PDE4A: variants seen among roughly 807,000 people sequenced by gnomAD.
PDE4A encodes phosphodiesterase 4A.
In PDE4A, 21 loss-of-function variants were observed where a neutral mutation model predicts 73.9. The ratio of observed to expected loss-of-function variants is 0.28; its 90% confidence interval spans 0.20 to 0.41. The LOEUF (loss-of-function observed/expected upper bound fraction) is 0.41. Among genes scored for constraint, PDE4A ranks in the 10% least tolerant of loss-of-function variants. The pLI, the probability that PDE4A is intolerant of heterozygous loss-of-function variation, is 1.00. For synonymous variants in PDE4A, 463 were observed against 505.4 expected, an observed-to-expected ratio of 0.92 and a Z score of 1.13; for missense variants, 958 against 1,211.4, an observed-to-expected ratio of 0.79 and a Z score of 3.10.
At chr19:10,430,977 C>G (rs1217447024) in intron 1 of PDE4A, 2 of 1,555,464 alleles carry the variant, frequency 1.3e-6, no homozygotes, top group Admixed American at 3.7e-5. Flanking sequence ...CCCGCGTTCG[C>G]CGCCCTCCTC....
intron 7 of PDE4A, among the ~76,000 whole-genome samples, chr19:10,456,523 C>T (rs1599445481): frequency 6.7e-6 from 1 of 149,426 alleles, no homozygotes; most frequent in East Asian, 2.0e-4. Context: ...GAGACTCCAT[C>T]TCAAAAAAAA....
At chr19:10,463,240 C>A (rs995398380) in intron 13 of PDE4A, among the ~76,000 whole-genome samples, 2 of 151,576 alleles carry the variant, frequency 1.3e-5, no homozygotes, top group African/African-American at 4.8e-5. Context: ...CAGGTGCCTA[C>A]CACCAGACCT....
At chr19:10,425,697 C>T (rs1030678635) in intron 1 of PDE4A, among the ~76,000 whole-genome samples, 1 of 151,998 alleles carries the variant, frequency 6.6e-6, no homozygotes, top group Admixed American at 6.6e-5. Context: ...TGAAAGAGTT[C>T]AAATCTGGCT....
In PDE4A at chr19:10,459,385, C is replaced by T. The variant is rs2043222609; in HGVS notation, c.1102-15C>T. On this transcript the variant is annotated splice_polypyrimidine_tract_variant and intron_variant, in intron 8 of 14. Coordinates refer to ENST00000380702, the MANE Select transcript of PDE4A (RefSeq NM_001111307.2). ...GCCTTACAGGCTTCTGACCTCTGGC[C>T]TCCGTCTCCACCAGGAACTGGAGAA... The T allele has an allele frequency of 6.2e-7, 1 of 1,614,238 alleles. No individual in the cohort carries two copies. The highest frequency in any genetic ancestry group is 8.5e-7 in the Non-Finnish European group (1 of 1,180,048).
chr19:10,453,177 G>A lies in PDE4A; in HGVS notation c.784-1652G>A. 1 of 1,477,232 alleles carries A rather than the reference G, an allele frequency of 6.8e-7. No individual in the cohort carries two copies. The highest frequency in any genetic ancestry group is 9.0e-7 in the Non-Finnish European group (1 of 1,110,214). 91.5% of individuals were successfully genotyped at this position (1,477,232 alleles called of 1,614,324 possible). A position where few individuals can be genotyped will look rare whatever the true frequency, so the allele number is the denominator to read the frequency against. On this transcript the variant is annotated intron_variant, in intron 6 of 14. Coordinates refer to ENST00000380702, the MANE Select transcript of PDE4A (RefSeq NM_001111307.2). This position sits in a 1 kb window ranked among gnomAD's most constrained non-coding sequence, Gnocchi z 4.6. ...CCCCCTTCCACTACCCACCTGCCCG[G>A]CACCCCCTCCCCAGTGGTTGTTAAC...
intron 1 of PDE4A, among the ~76,000 whole-genome samples, chr19:10,438,590 G>A (rs1459487813): frequency 6.6e-6 from 1 of 151,918 alleles, no homozygotes; most frequent in Non-Finnish European, 1.5e-5. Flanking sequence ...TTATTTTACT[G>A]AGCATAATGT....
rs768934897 is a variant in PDE4A, at chr19:10,464,000, C to T, written c.1926+25C>T. ...GGTACAGGCTCGGGGCATTGATGGA[C>T]GGGCACAGGGTGAGTCTCCCCAGCC... On this transcript the variant is annotated intron_variant, in intron 14 of 14. Coordinates refer to ENST00000380702, the MANE Select transcript of PDE4A (RefSeq NM_001111307.2). 1.9e-5 allele frequency: 31 copies of T among 1,613,392 alleles called. 1 individual carries two copies. Among genetic ancestry groups the T allele is most frequent in the East Asian group, 1.1e-4 (5 of 44,858 alleles).
At chr19:10,457,310 T>C (rs970032595) in intron 7 of PDE4A, among the ~76,000 whole-genome samples, 1 of 152,018 alleles carries the variant, frequency 6.6e-6, no homozygotes, top group African/African-American at 2.4e-5. Flanking sequence ...TATTAGGCCT[T>C]TTCATTGACT....
At chr19:10,417,105 G>T (rs2042595710), upstream of PDE4A, 1 of 1,459,438 alleles carries the variant, frequency 6.9e-7, no homozygotes, top group Non-Finnish European at 9.0e-7. Context: ...CAAGCTGTGA[G>T]GAGTTTGGTC....
chr19:10,432,741 G>GCCTGGGGTGCTGCTGAGGGT (rs1675836366), intron 1 of PDE4A, among the ~76,000 whole-genome samples: 1 of 152,144 alleles, frequency 6.6e-6, no homozygotes, highest in African/African-American at 2.4e-5. Context: ...TGCTGCTGAG[G>GCCTGGGGTGCTGCTGAGGGT]GCTTCTTGAA....
At chr19:10,438,499 T>A (rs1037339742) in intron 1 of PDE4A, among the ~76,000 whole-genome samples, 4 of 152,162 alleles carry the variant, frequency 2.6e-5, no homozygotes, top group Non-Finnish European at 5.9e-5. Context: ...ACTCTTCTAC[T>A]TTCTGTCTCT....
chr19:10,425,984 C>CAA (rs1168197109), intron 1 of PDE4A, among the ~76,000 whole-genome samples: 1,643 of 48,324 alleles, frequency 0.034, 172 homozygotes, highest in Non-Finnish European at 0.042. Context: ...GAGACCCTGT[C>CAA]AAAAAAAAAA....
At chr19:10,455,250 A>G (rs1282309701) in intron 7 of PDE4A, among the ~76,000 whole-genome samples, 1 of 151,958 alleles carries the variant, frequency 6.6e-6, no homozygotes, top group Non-Finnish European at 1.5e-5. Flanking sequence ...ATCACTTGAC[A>G]TCAGCAGTTT....
chr19:10,433,274 C>T (rs2042819298), intron 1 of PDE4A, among the ~76,000 whole-genome samples: 1 of 152,114 alleles, frequency 6.6e-6, no homozygotes, highest in East Asian at 1.9e-4. Flanking sequence ...TGGCCACACA[C>T]AGGTGACACA....
chr19:10,420,789 G>A lies in PDE4A; in HGVS notation c.25G>A (p.Glu9Lys), dbSNP rs1424575157. Reference sequence around the variant, plus strand: ...CATGGAACCCCCGACCGTCCCCTCGGAAAGGAGCCTGTCTCTGTCACTGCC... The same window carrying A: ...CATGGAACCCCCGACCGTCCCCTCGAAAAGGAGCCTGTCTCTGTCACTGCC... MEPPTVPS[E>K]RSLSLSLPGP... The change falls in exon 1 of 15, where the codon GAA (glutamate) becomes AAA (lysine). Residue 9 changes from glutamate to lysine, a missense_variant. Physicochemically the swap from Glu to Lys is moderately conservative, Grantham distance 56 (BLOSUM62 1). Coordinates refer to ENST00000380702, the MANE Select transcript of PDE4A (RefSeq NM_001111307.2). This position sits in a 1 kb window ranked among gnomAD's most constrained non-coding sequence, Gnocchi z 6.0. 4 of 1,579,606 alleles carry A rather than the reference G, an allele frequency of 2.5e-6. No individual in the cohort carries two copies. Among genetic ancestry groups the A allele is most frequent in the African/African-American group, 1.4e-5 (1 of 72,108 alleles).
rs747715012 is a variant in PDE4A, at chr19:10,461,618, G to T, written c.1558G>T (p.Asp520Tyr). ...CAAGCTGCTGCAGGAGGACAACTGCGACATCTTCCAGAACCTCAGCAAGCG... is the reference window on the plus strand; with the variant it reads ...CAAGCTGCTGCAGGAGGACAACTGCTACATCTTCCAGAACCTCAGCAAGCG... ...GFKLLQEDNC[D>Y]IFQNLSKRQR... is the part of the protein sequence containing the mutation. Residue 520 changes from aspartate (D) to tyrosine (Y), a missense_variant, in exon 12 of 15, where the codon GAC becomes TAC. Physicochemically the swap from Asp to Tyr is radical, Grantham distance 160 (BLOSUM62 -3). Coordinates refer to ENST00000380702, the MANE Select transcript of PDE4A (RefSeq NM_001111307.2). 11 of 1,561,588 alleles carry T rather than the reference G, an allele frequency of 7.0e-6. No homozygotes were observed. Among genetic ancestry groups the T allele is most frequent in the African/African-American group, 1.4e-5 (1 of 72,996 alleles).
At position 10,463,977 on chromosome 19, in the gene PDE4A, T is replaced by C. The variant is rs79738229; in HGVS notation, c.1926+2T>C. On this transcript the variant is annotated splice_donor_variant, in intron 14 of 14. Coordinates refer to ENST00000380702, the MANE Select transcript of PDE4A (RefSeq NM_001111307.2). LOFTEE classifies it high-confidence loss of function. ...ACTGCCTCCGTGGAGAAGTCTCAGGTACAGGCTCGGGGCATTGATGGACGG... is the reference window on the plus strand; with the variant it reads ...ACTGCCTCCGTGGAGAAGTCTCAGGCACAGGCTCGGGGCATTGATGGACGG... The C allele has an allele frequency of 6.2e-7, 1 of 1,614,080 alleles. No individual in the cohort carries two copies. The highest frequency in any genetic ancestry group is 8.5e-7 in the Non-Finnish European group (1 of 1,179,972).
At position 10,420,665 on chromosome 19, in the gene PDE4A, C is replaced by A; in HGVS notation, c.-100C>A. 5 of 1,365,350 alleles carry A rather than the reference C, an allele frequency of 3.7e-6. No individual in the cohort carries two copies. Among genetic ancestry groups the A allele is most frequent in the Non-Finnish European group, 4.7e-6 (5 of 1,067,404 alleles). The allele number at this position is 1,365,350 out of a possible 1,614,324, so 84.6% of individuals were successfully genotyped here. On this transcript the variant is annotated 5_prime_UTR_variant, in exon 1 of 15. Coordinates refer to ENST00000380702, the MANE Select transcript of PDE4A (RefSeq NM_001111307.2). This position sits in a 1 kb window ranked among gnomAD's most constrained non-coding sequence, Gnocchi z 6.0. ...GCGCCATGGCCCTACCGCGGCCGGG[C>A]GCACCCGCGGGGCCCTGGGCTCGCT...
chr19:10,441,982 C>T (rs899091589), intron 1 of PDE4A, among the ~76,000 whole-genome samples: 4 of 152,004 alleles, frequency 2.6e-5, no homozygotes, highest in Admixed American at 6.6e-5. Context: ...TGAGCCACCA[C>T]GCCCTGCCTT....
Sources: gnomAD v4.1 joint callset for allele counts (sites outside exome capture counted in the v4.1 genomes callset) on GRCh38, gnomAD v4.1.1 for gene constraint, Gnocchi (gnomAD v3.1) non-coding constraint, MANE v1.5 for transcripts, NCBI Gene and HGNC (gene_info 2026-07-23, HGNC 2026-07-21) for gene names.